LAMB3: variants seen among roughly 807,000 people sequenced by gnomAD.
The protein encoded by LAMB3 is laminin subunit beta-3.
LAMB3 carries 104 observed loss-of-function variants against 140.3 expected under a neutral mutation model. That is an observed-to-expected ratio of 0.74 (90% confidence interval 0.63 to 0.87). LAMB3 has a LOEUF of 0.87. LAMB3 is among the 40% of genes least tolerant of loss of function. The pLI, the probability that LAMB3 is intolerant of heterozygous loss-of-function variation, is 0.00. For synonymous variants in LAMB3, 592 were observed against 602.9 expected (o/e 0.98, Z 0.26); for missense variants, 1,531 against 1,575.2 (o/e 0.97, Z 0.47).
At chr1:209,633,430 A>G (rs560775292) in intron 6 of LAMB3, among the ~76,000 whole-genome samples, 1 of 152,328 alleles carries the variant, frequency 6.6e-6, no homozygotes, top group South Asian at 2.1e-4. Flanking sequence ...TATCATCTAC[A>G]TATAAGGGTT....
intron 5 of LAMB3, among the ~76,000 whole-genome samples, chr1:209,635,269 G>A (rs1666856677): frequency 1.3e-5 from 2 of 152,182 alleles, no homozygotes; most frequent in African/African-American, 4.8e-5. Flanking sequence ...AGCAGATACT[G>A]AACCAGGCCC....
At chr1:209,634,321 G>C (rs753819677) in intron 6 of LAMB3, 126 bp downstream of exon 6, 2 of 962,490 alleles carry the variant, frequency 2.1e-6, no homozygotes, top group Non-Finnish European at 3.3e-6. Flanking sequence ...TGGGAATTCA[G>C]GAAAGTCAGC....
chr1:209,645,521 G>T (rs1320817351), intron 3 of LAMB3, among the ~76,000 whole-genome samples: 2 of 152,076 alleles, frequency 1.3e-5, no homozygotes, highest in African/African-American at 2.4e-5. Flanking sequence ...TTCGAGACCA[G>T]CCTGGCCAAC....
intron 2 of LAMB3, among the ~76,000 whole-genome samples, chr1:209,650,665 G>A (rs190904362): frequency 8.3e-4 from 126 of 152,378 alleles, no homozygotes; most frequent in Middle Eastern, 3.4e-3. Context: ...GAGCACTCAG[G>A]AAACCACAAA....
rs1438200960 is a variant in LAMB3 at position 209,617,575 on chromosome 1, T to A, written c.3063A>T (p.Val1021=). Residue 1021 remains valine, a synonymous_variant, in exon 21 of 23, where the codon GTA becomes GTT. Coordinates refer to ENST00000356082, the MANE Select transcript of LAMB3 (RefSeq NM_000228.3). ...TCACCAGCTTTTCTGCTGGCCGCAG[T>A]ACCTGCTGAACCTTTGTGGAAAGAG... The part of the protein sequence containing the change: ...IQDRVAEVQQ[V]LRPAEKLVTS... The A allele has an allele frequency of 6.2e-7, 1 of 1,613,986 alleles. No individual in the cohort carries two copies.
At chr1:209,627,269 G>A (rs1013116142) in intron 12 of LAMB3, 114 bp downstream of exon 12, 13 of 863,202 alleles carry the variant, frequency 1.5e-5, no homozygotes, top group Admixed American at 1.5e-4. Flanking sequence ...GACAGAAGAC[G>A]CCCAGTCTGA....
At chr1:209,628,450 C>T (rs1666558085) in intron 10 of LAMB3, among the ~76,000 whole-genome samples, 1 of 152,222 alleles carries the variant, frequency 6.6e-6, no homozygotes, top group Admixed American at 6.5e-5. Flanking sequence ...GTAATCCCAG[C>T]ACTTTGGGAG....
intron 1 of LAMB3, 198 bp from the exon 2 acceptor site, chr1:209,651,179 G>A (rs776076638): frequency 8.7e-6 from 5 of 572,132 alleles, no homozygotes; most frequent in African/African-American, 1.9e-5. Context: ...AGTGGCATGT[G>A]ACTCACAGGG....
At chr1:209,627,306 T>G in intron 12 of LAMB3, 77 bp downstream of exon 12, 2 of 1,213,882 alleles carry the variant, frequency 1.6e-6, no homozygotes, top group South Asian at 1.3e-5. Context: ...AAGGGCAGCA[T>G]GGAGGGGCAG....
intron 2 of LAMB3, among the ~76,000 whole-genome samples, 195 bp downstream of exon 2, chr1:209,650,722 T>C (rs1264017664): frequency 6.6e-6 from 1 of 152,098 alleles, no homozygotes; most frequent in African/African-American, 2.4e-5. Context: ...CTTTCCAGAG[T>C]GGCAGAGAAA....
chr1:209,651,175 A>G lies in LAMB3; in HGVS notation c.-37-194T>C, dbSNP rs2076563716. 6.9e-6 allele frequency: 4 copies of G among 581,372 alleles called. No homozygotes were observed. The Admixed American group carries it at 1.1e-4, about 16-fold the overall frequency. The allele number at this position is 581,372 out of a possible 1,614,324, so 36.0% of individuals were successfully genotyped here. A position where few individuals can be genotyped will look rare whatever the true frequency, so the allele number is the denominator to read the frequency against. On this transcript the variant is annotated intron_variant, in intron 1 of 22. Coordinates refer to ENST00000356082, the MANE Select transcript of LAMB3 (RefSeq NM_000228.3). ...GCTCTAGACCCTTGTCTCAAGTGGC[A>G]TGTGACTCACAGGGTGCCCTGGGAA...
At chr1:209,628,327 A>G (rs1389459584) in intron 10 of LAMB3, 137 bp from the exon 11 acceptor site, 1 of 937,744 alleles carries the variant, frequency 1.1e-6, no homozygotes, top group Non-Finnish European at 1.7e-6. Flanking sequence ...CAAGTTACTT[A>G]ATCCCTCTGT....
chr1:209,634,236 T>C (rs1666805678), intron 6 of LAMB3, among the ~76,000 whole-genome samples: 1 of 151,854 alleles, frequency 6.6e-6, no homozygotes, highest in African/African-American at 2.4e-5. Flanking sequence ...CCCCAAGGTG[T>C]TGCTGAAATA....
chr1:209,621,135 G>A (rs377316896), intron 18 of LAMB3, among the ~76,000 whole-genome samples: 12 of 152,208 alleles, frequency 7.9e-5, no homozygotes, highest in Non-Finnish European at 1.3e-4. Context: ...AGCTGCACCC[G>A]GCAGGAGAGA....
chr1:209,617,832 G>C (rs1666030696), intron 20 of LAMB3, 75 bp downstream of exon 20: 1 of 1,576,188 alleles, frequency 6.3e-7, no homozygotes, highest in African/African-American at 1.3e-5. Flanking sequence ...GTCACTTTCT[G>C]GCATTTTCTA....
chr1:209,635,268 T>C (rs1666856591), intron 5 of LAMB3, among the ~76,000 whole-genome samples: 1 of 152,222 alleles, frequency 6.6e-6, no homozygotes, highest in Middle Eastern at 3.2e-3. Context: ...AAGCAGATAC[T>C]GAACCAGGCC....
intron 10 of LAMB3, 37 bp downstream of exon 10, chr1:209,629,700 A>C: frequency 6.3e-7 from 1 of 1,599,090 alleles, no homozygotes; most frequent in Non-Finnish European, 8.6e-7. Flanking sequence ...GGAGTAACAG[A>C]CAAATGACAC....
At chr1:209,628,700 A>G (rs1440800311) in intron 10 of LAMB3, among the ~76,000 whole-genome samples, 1 of 150,088 alleles carries the variant, frequency 6.7e-6, no homozygotes, top group East Asian at 2.5e-4. Flanking sequence ...ATCTCCATTA[A>G]AAAAGAGAGA....
intron 19 of LAMB3, 127 bp downstream of exon 19, chr1:209,618,325 C>T: frequency 1.0e-6 from 1 of 1,004,502 alleles, no homozygotes; most frequent in Non-Finnish European, 1.5e-6. Context: ...CTGTGTACCA[C>T]TCTCCACCAT....
Sources: allele counts gnomAD v4.1 joint callset (sites outside exome capture counted in the v4.1 genomes callset), GRCh38; gene constraint gnomAD v4.1.1; transcripts MANE v1.5; gene names NCBI Gene and HGNC (gene_info 2026-07-23, HGNC 2026-07-21).